The following LAMTOR5 variants were observed in gnomAD, a reference collection of about 807,000 sequenced individuals.
LAMTOR5 encodes late endosomal/lysosomal adaptor, MAPK and MTOR activator 5.
LAMTOR5 carries 8 observed loss-of-function variants against 12.1 expected under a neutral mutation model. That is an observed-to-expected ratio of 0.66 (90% CI 0.39 to 1.19). LAMTOR5 has a LOEUF of 1.19. Ranked by LOEUF, LAMTOR5 falls within the 50% of genes most tolerant of loss-of-function variation. The probability of loss-of-function intolerance (pLI) is 0.01; values close to 1 mark genes in which losing one functional copy is unlikely to be tolerated. For synonymous variants in LAMTOR5, 37 were observed against 41.9 expected (o/e 0.88, Z 0.45); for missense variants, 110 against 112.8 (o/e 0.97, Z 0.11).
At chr1:110,406,269 C>T (rs761474581) in intron 2 of LAMTOR5, 49 bp downstream of exon 2, 7 of 1,285,302 alleles carry the variant, frequency 5.4e-6, no homozygotes, top group East Asian at 5.1e-5. Context: ...TCCAAGTCAA[C>T]ATCAGATGCT....
rs907832676 is a variant in LAMTOR5 at position 110,407,589 on chromosome 1, T to G, written c.32A>C (p.Asp11Ala). The G allele has an allele frequency of 6.2e-7, 1 of 1,613,794 alleles. No individual in the cohort carries two copies. The highest frequency in any genetic ancestry group is 1.3e-5 in the African/African-American group (1 of 74,882). Residue 11 changes from aspartate (D) to alanine (A), a missense_variant, in exon 1 of 4, where the codon GAC becomes GCC. Transcript: ENST00000602318. The stretch of plus-strand genomic sequence containing the variant: ...CGAAGAGGCGCGCACTACTCACGTG[T>G]CTTCCAAGTGCTGCTCCAAGGTCGC... The part of the protein sequence containing the change: MEATLEQHLE[D>A]TMKNPSIVGV...
intron 3 of LAMTOR5, 115 bp from the exon 4 acceptor site, chr1:110,401,698 G>A (rs550274282): frequency 2.5e-5 from 28 of 1,108,786 alleles, no homozygotes; most frequent in Middle Eastern, 2.1e-4. Context: ...TTGTTTCTAC[G>A]TATAAAAGCA....
upstream of LAMTOR5, chr1:110,407,890 A>G (rs779401427): frequency 6.2e-7 from 1 of 1,606,922 alleles, no homozygotes; most frequent in East Asian, 2.2e-5. Flanking sequence ...GGCACGGATT[A>G]TTCCCCTCTC....
chr1:110,401,974 C>T (rs1033590769), intron 3 of LAMTOR5, among the ~76,000 whole-genome samples: 22 of 152,188 alleles, frequency 1.4e-4, no homozygotes, highest in African/African-American at 4.1e-4. Context: ...GTATATGATA[C>T]AGTCATGTGC....
chr1:110,406,890 G>T, intron 1 of LAMTOR5: 1 of 443,488 alleles, frequency 2.3e-6, no homozygotes, highest in South Asian at 5.3e-5. Flanking sequence ...TCTCTGATGA[G>T]AGAAAAAAAT....
rs747839811 is a variant in LAMTOR5 at position 110,407,682 on chromosome 1, G to C, written c.-62C>G. 2.5e-6 allele frequency: 4 copies of C among 1,614,220 alleles called. No individual in the cohort carries two copies. Among genetic ancestry groups the C allele is most frequent in the South Asian group, 1.1e-5 (1 of 91,090 alleles). On this transcript the variant is annotated 5_prime_UTR_variant, in exon 1 of 4. Transcript: ENST00000602318. ...CACGGCACGTCCTTCTCCACCACAG[G>C]CCTCAGTCACTTGACGCGAGCGGGG...
chr1:110,405,096 A>ATCCTAGC (rs2101110526), intron 2 of LAMTOR5, among the ~76,000 whole-genome samples: 1 of 151,854 alleles, frequency 6.6e-6, no homozygotes, highest in East Asian at 1.9e-4. Context: ...CCAGACAAAA[A>ATCCTAGC]TCCTAGCTTA....
chr1:110,407,232 G>C (rs1045452942), intron 1 of LAMTOR5: 4 of 577,770 alleles, frequency 6.9e-6, no homozygotes, highest in Non-Finnish European at 1.2e-5. Flanking sequence ...TGCAGGGCTC[G>C]ACACTGCACA....
At position 110,401,523 on chromosome 1, in the gene LAMTOR5, TCAAGAGGCCATTTTGTG is replaced by T. The variant is rs745803299; in HGVS notation, c.259_275del (p.His87MetfsTer19). ...GGCTGCTGAAGAACAGATATGAGCA[TCAAGAGGCCATTTTGTG>T]CACTGCCACCGTGATGCCATCGTGT... On this transcript the variant is annotated frameshift_variant and stop_lost, in exon 4 of 4. Coordinates refer to ENST00000602318, the MANE Select transcript of LAMTOR5 (RefSeq NM_001382293.1). LOFTEE classifies it high-confidence loss of function. 7 of 1,606,238 alleles carry T rather than the reference TCAAGAGGCCATTTTGTG, an allele frequency of 4.4e-6. 1 individual carries two copies. The South Asian group carries it at 7.7e-5, about 18-fold the overall frequency.
Position 110,406,368 on chromosome 1 carries a change from G to A in LAMTOR5, c.47C>T (p.Pro16Leu). The change falls in exon 2 of 4, where the codon CCC becomes CTC. Residue 16 changes from proline (P) to leucine (L), a missense_variant. Coordinates refer to ENST00000602318, the MANE Select transcript of LAMTOR5 (RefSeq NM_001382293.1). ...EQHLEDTMKN[P>L]SIVGVLCTDS... Reference sequence around the variant, plus strand: ...TGTGCACAGGACTCCAACAATGGAGGGATTCTTCATTCTAATTCCAGGAAC... The same window carrying A: ...TGTGCACAGGACTCCAACAATGGAGAGATTCTTCATTCTAATTCCAGGAAC... 6.2e-7 allele frequency: 1 copy of A among 1,607,872 alleles called. No individual in the cohort carries two copies. Among genetic ancestry groups the A allele is most frequent in the Non-Finnish European group, 8.5e-7 (1 of 1,176,606 alleles).
At chr1:110,401,653 G>C in intron 3 of LAMTOR5, 70 bp from the exon 4 acceptor site, 1 of 1,490,488 alleles carries the variant, frequency 6.7e-7, no homozygotes, top group Non-Finnish European at 9.3e-7. Context: ...TAAAGATGTT[G>C]TTTGCTTTAG....
chr1:110,406,202 A>G (rs1053739190), intron 2 of LAMTOR5, 116 bp downstream of exon 2: 9 of 605,282 alleles, frequency 1.5e-5, no homozygotes, highest in Admixed American at 1.0e-4. Flanking sequence ...TCTCAAACTC[A>G]GAAAGACCTG....
chr1:110,405,938 T>C (rs2101111354), intron 2 of LAMTOR5, among the ~76,000 whole-genome samples: 2 of 152,320 alleles, frequency 1.3e-5, no homozygotes, highest in Admixed American at 1.3e-4. Flanking sequence ...ACCACCCACC[T>C]TGCCGGGTTG....
chr1:110,402,954 T>C (rs960334893), intron 3 of LAMTOR5, among the ~76,000 whole-genome samples: 5 of 152,244 alleles, frequency 3.3e-5, no homozygotes, highest in Admixed American at 6.5e-5. Flanking sequence ...TATTCAGATA[T>C]ACCTTTTAAA....
At chr1:110,407,409 G>C in intron 1 of LAMTOR5, 177 bp downstream of exon 1, 1 of 799,860 alleles carries the variant, frequency 1.3e-6, no homozygotes, top group East Asian at 2.7e-5. Flanking sequence ...TTTTAATTCC[G>C]GGTCACCCGC....
intron 2 of LAMTOR5, among the ~76,000 whole-genome samples, chr1:110,405,891 A>C (rs1414458105): frequency 6.6e-6 from 1 of 152,138 alleles, no homozygotes. Context: ...CTGCCTATTC[A>C]CTTCTTGTTT....
At position 110,401,504 on chromosome 1, in the gene LAMTOR5, T is replaced by G; in HGVS notation, c.*19A>C. On this transcript the variant is annotated 3_prime_UTR_variant, in exon 4 of 4. Coordinates refer to ENST00000602318, the MANE Select transcript of LAMTOR5 (RefSeq NM_001382293.1). The stretch of plus-strand genomic sequence containing the variant: ...GGATCCAGTTCCTATGACAGGCTGC[T>G]GAAGAACAGATATGAGCATCAAGAG... The G allele has an allele frequency of 6.3e-7, 1 of 1,596,926 alleles. No individual in the cohort carries two copies. Among genetic ancestry groups the G allele is most frequent in the Non-Finnish European group, 8.6e-7 (1 of 1,166,046 alleles).
Position 110,406,341 on chromosome 1 carries a change from T to A in LAMTOR5, c.74A>T (p.Asp25Val), listed in dbSNP as rs1043898252. The change falls in exon 2 of 4, where the codon GAT becomes GTT. Residue 25 changes from aspartate to valine, a missense_variant. Transcript: ENST00000602318. ...NPSIVGVLCT[D>V]SQGLNLGCRG... ...ACAACCCAGATTAAGTCCTTGTGAA[T>A]CTGTGCACAGGACTCCAACAATGGA... is the stretch of plus-strand genomic sequence containing the variant. The A allele has an allele frequency of 9.9e-6, 16 of 1,608,780 alleles. No individual in the cohort carries two copies. The highest frequency in any genetic ancestry group is 1.3e-5 in the African/African-American group (1 of 74,744).
rs544796702 is a variant in LAMTOR5 at position 110,401,522 on chromosome 1, A to T, written c.*1T>A. On this transcript the variant is annotated 3_prime_UTR_variant, in exon 4 of 4. Coordinates refer to ENST00000602318, the MANE Select transcript of LAMTOR5 (RefSeq NM_001382293.1). Reference sequence around the variant, plus strand: ...AGGCTGCTGAAGAACAGATATGAGCATCAAGAGGCCATTTTGTGCACTGCC... The same window carrying T: ...AGGCTGCTGAAGAACAGATATGAGCTTCAAGAGGCCATTTTGTGCACTGCC... 6.2e-7 allele frequency: 1 copy of T among 1,606,288 alleles called. No individual in the cohort carries two copies. The highest frequency in any genetic ancestry group is 1.3e-5 in the African/African-American group (1 of 74,992).
Sources: gnomAD v4.1 joint callset for allele counts (sites outside exome capture counted in the v4.1 genomes callset) on GRCh38, gnomAD v4.1.1 for gene constraint, MANE v1.5 for transcripts, NCBI Gene and HGNC (gene_info 2026-07-23, HGNC 2026-07-21) for gene names.